Variants in FAM227A observed in about 807,000 individuals in gnomAD.
FAM227A encodes the protein protein FAM227A.
FAM227A carries 80 observed loss-of-function variants against 74.7 expected under a neutral mutation model. That is an observed-to-expected ratio of 1.07 (90% CI 0.89 to 1.29). The LOEUF is 1.29. Ranked by LOEUF, FAM227A falls within the 50% of genes most tolerant of loss-of-function variation. The pLI is 0.00. For missense variants in FAM227A, 654 were observed against 683.4 expected (o/e 0.96, Z 0.48); for synonymous variants, 237 against 241.8 (o/e 0.98, Z 0.19).
intron 4 of FAM227A, among the ~76,000 whole-genome samples, chr22:38,639,403 C>T (rs1360133545): frequency 7.0e-6 from 1 of 143,198 alleles, no homozygotes; most frequent in South Asian, 2.2e-4. Context: ...AGCGAGACTC[C>T]GTCTCGAAAA....
chr22:38,628,864 G>A lies in FAM227A; in HGVS notation c.591C>T (p.Ser197=). The A allele has an allele frequency of 4.5e-6, 7 of 1,545,404 alleles. No homozygotes were observed. Among genetic ancestry groups the A allele is most frequent in the Non-Finnish European group, 6.1e-6 (7 of 1,142,474 alleles). Residue 197 remains serine (S), a synonymous_variant, in exon 7 of 17, where the codon AGC becomes AGT. Coordinates refer to ENST00000535113, the MANE Select transcript of FAM227A (RefSeq NM_001013647.2). ...SSSPRAIWLD[S]FWWIFHERYQ... is the part of the protein sequence containing the mutation. ...ACCTCTCATGAAATATCCACCAAAA[G>A]CTATCCAGCCAGATGGCTCTTGGAG...
intron 14 of FAM227A, among the ~76,000 whole-genome samples, chr22:38,599,511 A>T (rs1036859831): frequency 6.6e-6 from 1 of 152,114 alleles, no homozygotes; most frequent in African/African-American, 2.4e-5. Context: ...TAGGTGGAAA[A>T]CAGATTTTGC....
At position 38,643,906 on chromosome 22, in the gene FAM227A, C is replaced by T. The variant is rs536917224; in HGVS notation, c.225+1657G>A. On this transcript the variant is annotated intron_variant, in intron 3 of 16. Transcript: ENST00000535113. ...CTCACGCCTGTAATCCCAGCACTTT[C>T]GGAGGCTGAGGCGGGCGGATCACGA... Among the ~76,000 whole-genome samples, 456 of 151,980 alleles carry T rather than the reference C, an allele frequency of 3.0e-3. 1 individual carries two copies. Among genetic ancestry groups the T allele is most frequent in the African/African-American group, 0.01 (425 of 41,426 alleles).
At chr22:38,633,593 G>A (rs1284960057) in intron 6 of FAM227A, among the ~76,000 whole-genome samples, 2 of 152,178 alleles carry the variant, frequency 1.3e-5, no homozygotes, top group East Asian at 3.9e-4. Flanking sequence ...CCAGACTGGA[G>A]TGCAGTAGTG....
intron 8 of FAM227A, among the ~76,000 whole-genome samples, chr22:38,627,654 T>C (rs1414945388): frequency 6.6e-6 from 1 of 151,998 alleles, no homozygotes; most frequent in African/African-American, 2.4e-5. Flanking sequence ...GCCCAGGCTG[T>C]AGTGCAATGC....
At position 38,582,805 on chromosome 22, in the gene FAM227A, TA is replaced by T. The variant is rs1231516341; in HGVS notation, c.*3319del. The T allele has an allele frequency of 6.5e-7, 1 of 1,548,072 alleles. No individual in the cohort carries two copies. Among genetic ancestry groups the T allele is most frequent in the Non-Finnish European group, 8.7e-7 (1 of 1,146,030 alleles). On this transcript the variant is annotated 3_prime_UTR_variant, in exon 17 of 17. Transcript: ENST00000535113. ...CAATCTACTATGGTAACTGCTGCCATAATGGGATGGCACAGAATGCTGTTGG... is the reference window on the plus strand; with the variant it reads ...CAATCTACTATGGTAACTGCTGCCATATGGGATGGCACAGAATGCTGTTGG...
intron 3 of FAM227A, 32 bp downstream of exon 3, chr22:38,645,531 G>C (rs1469005063): frequency 1.3e-6 from 2 of 1,495,842 alleles, no homozygotes; most frequent in Admixed American, 3.9e-5. Context: ...CCTGTCAGAA[G>C]CTTTGTCTCA....
intron 11 of FAM227A, among the ~76,000 whole-genome samples, chr22:38,610,283 C>T (rs2091384757): frequency 6.6e-6 from 1 of 152,170 alleles, no homozygotes; most frequent in Non-Finnish European, 1.5e-5. Flanking sequence ...CGTTAGTCCC[C>T]CAAAATGTTA....
chr22:38,624,401 A>G (rs1340131762), intron 9 of FAM227A, among the ~76,000 whole-genome samples: 9 of 152,092 alleles, frequency 5.9e-5, no homozygotes, highest in South Asian at 2.1e-4. Context: ...AAAAAAAAAA[A>G]AGATTAAATG....
intron 2 of FAM227A, 191 bp downstream of exon 2, chr22:38,649,836 C>G: frequency 1.8e-6 from 1 of 548,244 alleles, no homozygotes; most frequent in Non-Finnish European, 3.1e-6. Flanking sequence ...CCACTGCACT[C>G]CAGCCTGGGT....
intron 3 of FAM227A, among the ~76,000 whole-genome samples, chr22:38,644,984 G>T (rs2092203189): frequency 6.6e-6 from 1 of 152,082 alleles, no homozygotes; most frequent in Admixed American, 6.6e-5. Context: ...AGCTACTCGG[G>T]AGGCTGAGGC....
At chr22:38,654,559 T>C (rs1404896054) in intron 1 of FAM227A, among the ~76,000 whole-genome samples, 1 of 151,432 alleles carries the variant, frequency 6.6e-6, no homozygotes, top group Non-Finnish European at 1.5e-5. Flanking sequence ...CTCATACCTG[T>C]AATCCCAATA....
At chr22:38,647,158 T>C (rs1267030511) in intron 2 of FAM227A, among the ~76,000 whole-genome samples, 1 of 56,324 alleles carries the variant, frequency 1.8e-5, no homozygotes, top group Non-Finnish European at 4.3e-5. Flanking sequence ...CAAAAATAAA[T>C]AAAATAAAAC....
rs1276038637 is a variant in FAM227A at position 38,607,478 on chromosome 22, T to C, written c.1039-2A>G. The C allele has an allele frequency of 4.5e-6, 7 of 1,544,688 alleles. No homozygotes were observed. Among genetic ancestry groups the C allele is most frequent in the Non-Finnish European group, 6.1e-6 (7 of 1,140,758 alleles). ...ACTGGGTGAATTTGCACTAGAAGAC[T>C]TCAGGAGACAAGAGAGAGAAAGAGA... On this transcript the variant is annotated splice_acceptor_variant, in intron 11 of 16. Coordinates refer to ENST00000535113, the MANE Select transcript of FAM227A (RefSeq NM_001013647.2). LOFTEE classifies it high-confidence loss of function.
chr22:38,582,950 A>G lies in FAM227A; in HGVS notation c.*3175T>C. 1 of 1,550,448 alleles carries G rather than the reference A, an allele frequency of 6.4e-7. No individual in the cohort carries two copies. Among genetic ancestry groups the G allele is most frequent in the Non-Finnish European group, 8.7e-7 (1 of 1,146,952 alleles). ...AAGAGCAGGAATTAGTGATGTTGGC[A>G]GTTAACAAAGAGGAGGGAGGAGAAG... On this transcript the variant is annotated 3_prime_UTR_variant, in exon 17 of 17. Transcript: ENST00000535113.
At position 38,590,412 on chromosome 22, in the gene FAM227A, TAA is replaced by T. The variant is rs759961284; in HGVS notation, c.1638+1021_1638+1022del. 1.4e-4 allele frequency among the ~76,000 whole-genome samples: 21 copies of T among 152,104 alleles called. No homozygotes were observed. In the East Asian group the frequency reaches 1.5e-3, roughly 11 times the overall value. On this transcript the variant is annotated intron_variant, in intron 16 of 16. Transcript: ENST00000535113. ...GACATGGCTTTTTAGGTCAGGACTA[TAA>T]GGAGACAGACTTGGGCTGTCCATGG...
chr22:38,632,721 A>C (rs182837369), intron 6 of FAM227A, among the ~76,000 whole-genome samples: 1 of 152,266 alleles, frequency 6.6e-6, no homozygotes, highest in African/African-American at 2.4e-5. Context: ...TGCTGTTTGC[A>C]TAGAGGGAGA....
chr22:38,634,304 GT>G (rs2091964888), intron 6 of FAM227A, among the ~76,000 whole-genome samples: 1 of 149,516 alleles, frequency 6.7e-6, no homozygotes, highest in Non-Finnish European at 1.5e-5. Context: ...AGCATGAAAT[GT>G]TAACATACAC....
rs1361663502 is a variant in FAM227A, at chr22:38,628,281, A to C, written c.683T>G (p.Leu228Trp). The C allele has an allele frequency of 8.4e-6, 13 of 1,551,602 alleles. No homozygotes were observed. In the East Asian group the frequency reaches 2.7e-4, roughly 32 times the overall value. The change falls in exon 8 of 17, where the codon TTG becomes TGG. Residue 228 changes from leucine to tryptophan, a missense_variant. By Grantham distance (61) the Leu-to-Trp change is moderately conservative (BLOSUM62 -2). Transcript: ENST00000535113. The part of the protein sequence containing the change: ...DRIAQHYALL[L>W]FRVPKSHSEE... The stretch of plus-strand genomic sequence containing the variant: ...AGAGTGGGACTTGGGTACACGAAAC[A>C]AAAGTAAGGCATAGTGCTGGGCTAT...
Sources: gnomAD v4.1 joint callset for allele counts (sites outside exome capture counted in the v4.1 genomes callset) on GRCh38, gnomAD v4.1.1 for gene constraint, MANE v1.5 for transcripts, NCBI Gene and HGNC (gene_info 2026-07-23, HGNC 2026-07-21) for gene names.